Variants in PLEC observed in about 807,000 individuals in gnomAD.
PLEC encodes plectin.
PLEC carries 216 observed loss-of-function variants against 392.8 expected under a neutral mutation model. That is an observed-to-expected ratio of 0.55 (90% confidence interval 0.49 to 0.62). The LOEUF (loss-of-function observed/expected upper bound fraction) is 0.62, where lower values mean the gene tolerates loss of function less well. Ranked by LOEUF, PLEC falls within the 20% of genes least tolerant of loss-of-function variation. PLEC has a pLI of 0.00. For missense variants in PLEC, 6,863 were observed against 6,563.4 expected (o/e 1.05, Z -1.58); for synonymous variants, 3,621 against 2,980.6 (o/e 1.21, Z -7.00).
At chr8:143,932,356 G>T in intron 16 of PLEC, 44 bp downstream of exon 16, 1 of 1,610,392 alleles carries the variant, frequency 6.2e-7, no homozygotes, top group South Asian at 1.1e-5. Context: ...GGGCACAGCT[G>T]GGGAGGGGGC....
upstream of PLEC, among the ~76,000 whole-genome samples, chr8:143,951,603 C>T (rs1486467953): frequency 6.6e-6 from 1 of 152,086 alleles, no homozygotes; most frequent in Non-Finnish European, 1.5e-5. Flanking sequence ...GGCTAGGGGG[C>T]TCAGAGGGGC....
At position 143,923,807 on chromosome 8, in the gene PLEC, T is replaced by A. The variant is rs1554694295; in HGVS notation, c.6122A>T (p.Glu2041Val). The change falls in exon 31 of 32, where the codon GAG becomes GTG. Residue 2041 changes from glutamate (E) to valine (V), a missense_variant. Physicochemically the swap from Glu to Val is moderately radical, Grantham distance 121 (BLOSUM62 -2). Transcript: ENST00000345136. ...CGCCTGCAGCCGCTTCTGGGCGGCC[T>A]CCTGGGCCAGCTGCAGCTGCCGCGC... Reference protein sequence around the residue: ...ESARQLQLAQEAAQKRLQAEE... With the variant: ...ESARQLQLAQVAAQKRLQAEE... 4 of 1,581,090 alleles carry A rather than the reference T, an allele frequency of 2.5e-6. No individual in the cohort carries two copies. Among genetic ancestry groups the A allele is most frequent in the Middle Eastern group, 1.7e-4 (1 of 5,958 alleles).
chr8:143,932,076 T>C (rs894719911), intron 17 of PLEC, 44 bp from the exon 18 acceptor site: 18 of 1,551,658 alleles, frequency 1.2e-5, no homozygotes, highest in Middle Eastern at 2.3e-4. Context: ...CCGCCCCGCC[T>C]GGGGACCCGG....
At chr8:143,971,160 T>G (rs1587426407) in intron 1 of PLEC, among the ~76,000 whole-genome samples, 1 of 148,118 alleles carries the variant, frequency 6.8e-6, no homozygotes. Flanking sequence ...GGGTGGGGGG[T>G]GAAGGTCACC....
chr8:143,930,408 G>C lies in PLEC; in HGVS notation c.2433C>G (p.Ala811=). 1 of 1,571,996 alleles carries C rather than the reference G, an allele frequency of 6.4e-7. No homozygotes were observed. Among genetic ancestry groups the C allele is most frequent in the Non-Finnish European group, 8.6e-7 (1 of 1,161,270 alleles). Residue 811 remains alanine, a synonymous_variant, in exon 20 of 32, where the codon GCC becomes GCG. Transcript: ENST00000345136. ...CCTCCACCTGCTTATAGTCGCACACGGCCAGCAGGGGCAGGCGGCCCCGCA... is the reference window on the plus strand; with the variant it reads ...CCTCCACCTGCTTATAGTCGCACACCGCCAGCAGGGGCAGGCGGCCCCGCA... ...HPMRGRLPLL[A]VCDYKQVEVT... is the part of the protein sequence containing the mutation.
In PLEC at chr8:143,929,533, C is replaced by G. The variant is rs367627441; in HGVS notation, c.2962G>C (p.Glu988Gln). 4.5e-5 allele frequency: 72 copies of G among 1,612,636 alleles called. 1 individual carries two copies. In the South Asian group the frequency reaches 5.6e-4, roughly 13 times the overall value. The change falls in exon 24 of 32, where the codon GAG (glutamate) becomes CAG (glutamine). Residue 988 changes from glutamate (E) to glutamine (Q), a missense_variant. Glu to Gln is a conservative substitution (Grantham distance 29). Coordinates refer to ENST00000345136, the MANE Select transcript of PLEC (RefSeq NM_201384.3). ...EESRCQRCIS[E>Q]LKDIRLQLEA... ...AGCTGCAGCCGGATGTCTTTGAGCTCGGAGATGCAGCGCTGGCAGCGAGAC... is the reference window on the plus strand; with the variant it reads ...AGCTGCAGCCGGATGTCTTTGAGCTGGGAGATGCAGCGCTGGCAGCGAGAC...
rs1413116607 is a variant in PLEC at position 143,916,219 on chromosome 8, C to T, written c.13602G>A (p.Gly4534=). ...SSGYGRRYAS[G]SSASLGGPES... is the part of the protein sequence containing the mutation. ...CAGGGCCCCCCAGGGAGGCCGAGGA[C>T]CCCGAGGCGTAGCGGCGGCCGTAGC... The change falls in exon 32 of 32, where the codon GGG becomes GGA. Residue 4534 remains glycine (G), a synonymous_variant. Transcript: ENST00000345136. 3 of 1,545,942 alleles carry T rather than the reference C, an allele frequency of 1.9e-6. No homozygotes were observed. Among genetic ancestry groups the T allele is most frequent in the Admixed American group, 2.0e-5 (1 of 50,916 alleles).
At chr8:143,962,513 G>A (rs1042727390) in intron 1 of PLEC, among the ~76,000 whole-genome samples, 1 of 152,226 alleles carries the variant, frequency 6.6e-6, no homozygotes, top group Non-Finnish European at 1.5e-5. Flanking sequence ...ACGAATATCT[G>A]AAAATGTGGA....
At chr8:143,944,841 G>T (rs1554731204) in intron 1 of PLEC, 2 of 588,134 alleles carry the variant, frequency 3.4e-6, no homozygotes, top group East Asian at 7.0e-5. Context: ...GGGCCCAGGG[G>T]ATATAAATAT....
At chr8:143,938,476 CGT>C in intron 2 of PLEC, 153 bp downstream of exon 2, 3 of 1,545,196 alleles carry the variant, frequency 1.9e-6, no homozygotes, top group Non-Finnish European at 1.7e-6. Flanking sequence ...CAGGAGCAGG[CGT>C]AGGGAAGAAA....
chr8:143,925,910 A>G (rs1554704588), intron 30 of PLEC, 26 bp from the exon 31 acceptor site: 2 of 1,535,146 alleles, frequency 1.3e-6, no homozygotes, highest in Admixed American at 3.9e-5. Flanking sequence ...AGAGAAGAAG[A>G]GAAGCAGAGA....
chr8:143,946,258 A>C (rs1371735083), intron 1 of PLEC: 5 of 986,164 alleles, frequency 5.1e-6, no homozygotes, highest in Middle Eastern at 2.6e-4. Context: ...CTGACGGCAC[A>C]GAACGGTGGA....
Position 143,923,354 on chromosome 8 carries a change from C to A in PLEC, c.6575G>T (p.Arg2192Leu). The A allele has an allele frequency of 6.2e-7, 1 of 1,610,270 alleles. No individual in the cohort carries two copies. The highest frequency in any genetic ancestry group is 8.5e-7 in the Non-Finnish European group (1 of 1,179,404). ...GTGGTCGGTCTCCTCCAGCTGCAGCCGCAGTGTTGTCAGCTCCTGCTCCAC... is the reference window on the plus strand; with the variant it reads ...GTGGTCGGTCTCCTCCAGCTGCAGCAGCAGTGTTGTCAGCTCCTGCTCCAC... The part of the protein sequence containing the change: ...AQVEQELTTL[R>L]LQLEETDHQK... Residue 2192 changes from arginine to leucine, a missense_variant, in exon 31 of 32, where the codon CGG (arginine) becomes CTG (leucine). Arg to Leu is a moderately radical substitution (Grantham distance 102). Coordinates refer to ENST00000345136, the MANE Select transcript of PLEC (RefSeq NM_201384.3).
rs782279871 is a variant in PLEC at position 143,925,257 on chromosome 8, C to T, written c.4672G>A (p.Glu1558Lys). 3.8e-6 allele frequency: 6 copies of T among 1,584,640 alleles called. No homozygotes were observed. The highest frequency in any genetic ancestry group is 2.7e-5 in the African/African-American group (2 of 74,496). The change falls in exon 31 of 32, where the codon GAG becomes AAG. Residue 1558 changes from glutamate to lysine, a missense_variant. By Grantham distance (56) the Glu-to-Lys change is moderately conservative (BLOSUM62 1). Coordinates refer to ENST00000345136, the MANE Select transcript of PLEC (RefSeq NM_201384.3). ...GCCACCTGTACCTGCCGCGCTCGCT[C>T]CACCTCGGCCTGCCGCAGGCGCCGC... ...AERRLRQAEV[E>K]RARQVQVALE...
chr8:143,968,515 G>C (rs1833236004), intron 1 of PLEC, among the ~76,000 whole-genome samples: 1 of 96,858 alleles, frequency 1.0e-5, no homozygotes, highest in Non-Finnish European at 1.9e-5. Flanking sequence ...GGGTGACAGA[G>C]CAAAACTCCA....
chr8:143,944,853 C>CCCT, intron 1 of PLEC: 1 of 538,670 alleles, frequency 1.9e-6, no homozygotes, highest in Non-Finnish European at 3.0e-6. Context: ...TATAAATATC[C>CCCT]GAGGAGGGCG....
At position 143,920,848 on chromosome 8, in the gene PLEC, G is replaced by A. The variant is rs782757544; in HGVS notation, c.8973C>T (p.Val2991=). 1 of 1,609,612 alleles carries A rather than the reference G, an allele frequency of 6.2e-7. No homozygotes were observed. Among genetic ancestry groups the A allele is most frequent in the Non-Finnish European group, 8.5e-7 (1 of 1,179,950 alleles). Residue 2991 remains valine (V), a synonymous_variant, in exon 32 of 32, where the codon GTC becomes GTT. Coordinates refer to ENST00000345136, the MANE Select transcript of PLEC (RefSeq NM_201384.3). ...VPAAELLESR[V]IDRELYQQLQ... The stretch of plus-strand genomic sequence containing the variant: ...GCTGCTGGTAGAGCTCGCGGTCGAT[G>A]ACCCTGCTCTCCAGCAGCTCGGCGG...
chr8:143,918,726 CG>C lies in PLEC; in HGVS notation c.11094del (p.Gly3699ValfsTer6). 6.2e-7 allele frequency: 1 copy of C among 1,613,000 alleles called. No homozygotes were observed. Among genetic ancestry groups the C allele is most frequent in the Non-Finnish European group, 8.5e-7 (1 of 1,180,018 alleles). Reference protein sequence around the residue: ...GTGSVAGVYLPGSRQTLSIYQ... With the variant: ...GTGSVAGVYLXGSRQTLSIYQ... Reference sequence around the variant, plus strand: ...TAGATGCTCAGTGTCTGCCTGGAACCGGGCAGGTAGACACCAGCCACGGAGC... The same window carrying C: ...TAGATGCTCAGTGTCTGCCTGGAACCGGCAGGTAGACACCAGCCACGGAGC... On this transcript the variant is annotated frameshift_variant, in exon 32 of 32. Transcript: ENST00000345136. LOFTEE classifies it high-confidence loss of function.
chr8:143,953,616 G>C (rs569741543), upstream of PLEC: 6 of 1,185,008 alleles, frequency 5.1e-6, no homozygotes, highest in South Asian at 5.2e-5. Context: ...GACCCACAGT[G>C]TCACCCCAGG....
Sources: gnomAD v4.1 joint callset for allele counts (sites outside exome capture counted in the v4.1 genomes callset) on GRCh38, gnomAD v4.1.1 for gene constraint, MANE v1.5 for transcripts, NCBI Gene and HGNC (gene_info 2026-07-23, HGNC 2026-07-21) for gene names.